AFAP1L2: variants seen among roughly 807,000 people sequenced by gnomAD.
AFAP1L2 encodes the protein actin filament associated protein 1 like 2.
In AFAP1L2, 46 loss-of-function variants were observed where a neutral mutation model predicts 99.3. The observed-to-expected ratio is 0.46, with a 90% confidence interval of 0.37 to 0.59. The LOEUF is 0.59. Among genes scored for constraint, AFAP1L2 ranks in the 20% least tolerant of loss-of-function variants. The probability of loss-of-function intolerance (pLI) is 0.00; values close to 1 mark genes in which losing one functional copy is unlikely to be tolerated. For missense variants in AFAP1L2, 959 were observed against 1,034.9 expected, an observed-to-expected ratio of 0.93 and a Z score of 1.01; for synonymous variants, 397 against 419.1, an observed-to-expected ratio of 0.95 and a Z score of 0.64.
rs1005291597 is a variant in AFAP1L2 at position 114,295,593 on chromosome 10, CA to C, written c.*448del. 29 of 988,368 alleles carry C rather than the reference CA, an allele frequency of 2.9e-5. No homozygotes were observed. The highest frequency in any genetic ancestry group is 3.5e-5 in the Non-Finnish European group (29 of 832,018). 61.2% of individuals were successfully genotyped at this position (988,368 alleles called of 1,614,324 possible). The stretch of plus-strand genomic sequence containing the variant: ...CTGAAGGCAAGGATGGTTTAATCCC[CA>C]ACTGCTAAGTATTGGATAAGAGATG... On this transcript the variant is annotated 3_prime_UTR_variant, in exon 19 of 19. Coordinates refer to ENST00000304129, the MANE Select transcript of AFAP1L2 (RefSeq NM_001001936.3).
chr10:114,384,387 A>AG, intron 1 of AFAP1L2, among the ~76,000 whole-genome samples: 1 of 151,496 alleles, frequency 6.6e-6, no homozygotes, highest in Non-Finnish European at 1.5e-5. Flanking sequence ...CTCTCTGAGA[A>AG]GGGCCATTGT....
At chr10:114,353,735 G>C (rs938307910) in intron 1 of AFAP1L2, among the ~76,000 whole-genome samples, 3 of 152,202 alleles carry the variant, frequency 2.0e-5, no homozygotes, top group Non-Finnish European at 2.9e-5. Context: ...AAAAGATCCA[G>C]ATAAAAGCAA....
intron 1 of AFAP1L2, among the ~76,000 whole-genome samples, chr10:114,392,099 TAGAA>T (rs1478335136): frequency 1.3e-5 from 2 of 152,060 alleles, no homozygotes; most frequent in African/African-American, 4.8e-5. Flanking sequence ...GACAGAATCC[TAGAA>T]AGAAGAGCAC....
At chr10:114,289,343 G>T in the AFAP1L2 span, 3 of 1,614,250 alleles carry the variant, frequency 1.9e-6, no homozygotes, top group Non-Finnish European at 2.5e-6. Flanking sequence ...AGGAACAATG[G>T]CATCTCTGTC....
chr10:114,340,612 T>C lies in AFAP1L2; in HGVS notation c.136A>G (p.Lys46Glu). The change falls in exon 2 of 19, where the codon AAA becomes GAA. Residue 46 changes from lysine (K) to glutamate (E), a missense_variant. Around this residue, in one of 2 missense-constraint regions of AFAP1L2, gnomAD observed 383 missense variants for 472.8 expected, o/e 0.81. Transcript: ENST00000304129. ...CAGGGCCCACACTCACTGCTGCTTTTGGTGTAAAGCCGGAGGAGCTCCGCC... is the reference window on the plus strand; with the variant it reads ...CAGGGCCCACACTCACTGCTGCTTTCGGTGTAAAGCCGGAGGAGCTCCGCC... Reference protein sequence around the residue: ...CLAELLRLYTKSSSSDEEYIY... With the variant: ...CLAELLRLYTESSSSDEEYIY... The C allele has an allele frequency of 6.2e-7, 1 of 1,614,114 alleles. No homozygotes were observed. The highest frequency in any genetic ancestry group is 8.5e-7 in the Non-Finnish European group (1 of 1,179,984).
At chr10:114,293,478 T>C (rs944474716), downstream of AFAP1L2, among the ~76,000 whole-genome samples, 2 of 152,328 alleles carry the variant, frequency 1.3e-5, no homozygotes, top group South Asian at 2.1e-4. Context: ...GTTTCTCGCC[T>C]TTGAAACATT....
chr10:114,284,817 C>T, the AFAP1L2 span: 6 of 1,546,454 alleles, frequency 3.9e-6, no homozygotes, highest in East Asian at 7.4e-5. Flanking sequence ...CCTCTCCACT[C>T]CTCTGTGCTG....
chr10:114,356,217 TACTC>T (rs2051357080), intron 1 of AFAP1L2, among the ~76,000 whole-genome samples: 1 of 152,180 alleles, frequency 6.6e-6, no homozygotes, highest in African/African-American at 2.4e-5. Context: ...TCTGGGGAAA[TACTC>T]AGGAATAAAG....
chr10:114,322,838 C>T (rs1479547294), intron 5 of AFAP1L2, among the ~76,000 whole-genome samples: 1 of 152,238 alleles, frequency 6.6e-6, no homozygotes, highest in Non-Finnish European at 1.5e-5. Flanking sequence ...ACACTCCTCT[C>T]TTCTGTCACC....
chr10:114,302,565 T>C (rs978091903), intron 11 of AFAP1L2, 81 bp from the exon 12 acceptor site: 35 of 1,556,160 alleles, frequency 2.2e-5, no homozygotes, highest in Non-Finnish European at 2.8e-5. Context: ...GCCATGACCG[T>C]ACCCCTACCC....
At chr10:114,355,126 C>A (rs1239362663) in intron 1 of AFAP1L2, among the ~76,000 whole-genome samples, 1 of 152,142 alleles carries the variant, frequency 6.6e-6, no homozygotes, top group Non-Finnish European at 1.5e-5. Context: ...CTGATGATGG[C>A]CAACAAACAC....
the AFAP1L2 span, chr10:114,284,762 C>A: frequency 9.0e-7 from 1 of 1,113,086 alleles, no homozygotes; most frequent in Non-Finnish European, 1.3e-6. Flanking sequence ...GGGGCTGGGC[C>A]ACTGCTAGAG....
chr10:114,354,195 C>A (rs2050965770), intron 1 of AFAP1L2, among the ~76,000 whole-genome samples: 1 of 152,140 alleles, frequency 6.6e-6, no homozygotes, highest in Non-Finnish European at 1.5e-5. Context: ...AAAGGGTCTG[C>A]CTAAAATGAT....
At chr10:114,379,137 C>T (rs1186044145) in intron 1 of AFAP1L2, among the ~76,000 whole-genome samples, 3 of 151,738 alleles carry the variant, frequency 2.0e-5, no homozygotes, top group Non-Finnish European at 4.4e-5. Flanking sequence ...TGGTTGAGCC[C>T]GGGAGATGGA....
At chr10:114,374,498 G>T (rs534480841) in intron 1 of AFAP1L2, among the ~76,000 whole-genome samples, 1 of 152,220 alleles carries the variant, frequency 6.6e-6, no homozygotes, top group South Asian at 2.1e-4. Context: ...CCCTTCCCCA[G>T]CCCTGGCCTC....
intron 7 of AFAP1L2, 32 bp downstream of exon 7, chr10:114,313,839 A>G: frequency 6.4e-7 from 1 of 1,561,802 alleles, no homozygotes; most frequent in Non-Finnish European, 8.7e-7. Flanking sequence ...CAACTCTAGG[A>G]ACCCCTCCAA....
intron 5 of AFAP1L2, among the ~76,000 whole-genome samples, chr10:114,322,582 C>T (rs1179080978): frequency 6.6e-6 from 1 of 152,222 alleles, no homozygotes; most frequent in Non-Finnish European, 1.5e-5. Flanking sequence ...AAAGTAACTC[C>T]CCTGTCCTGC....
intron 1 of AFAP1L2, among the ~76,000 whole-genome samples, chr10:114,379,489 C>A (rs1590730681): frequency 6.6e-6 from 1 of 152,264 alleles, no homozygotes; most frequent in South Asian, 2.1e-4. Flanking sequence ...GAGTCACCCA[C>A]CACCAGATGG....
In AFAP1L2 at chr10:114,339,926, G is replaced by A. The variant is rs192865018; in HGVS notation, c.145+677C>T. On this transcript the variant is annotated intron_variant, in intron 2 of 18. Transcript: ENST00000304129. Reference sequence around the variant, plus strand: ...CTCCGGAAGCTGAGGCAGGAGAATCGCTTGAACCTGGGAGGTGGAGGTTGC... The same window carrying A: ...CTCCGGAAGCTGAGGCAGGAGAATCACTTGAACCTGGGAGGTGGAGGTTGC... 6.7e-3 allele frequency among the ~76,000 whole-genome samples: 1,003 copies of A among 150,134 alleles called. 12 individuals carry two copies. The highest frequency in any genetic ancestry group is 0.024 in the African/African-American group (967 of 41,002).
Sources: allele counts gnomAD v4.1 joint callset (sites outside exome capture counted in the v4.1 genomes callset), GRCh38; gene constraint gnomAD v4.1.1; regional missense constraint gnomAD v4.1.1; transcripts MANE v1.5; gene names NCBI Gene and HGNC (gene_info 2026-07-23, HGNC 2026-07-21).